PRKDC: variants seen among roughly 807,000 people sequenced by gnomAD.
PRKDC encodes the protein DNA-dependent protein kinase catalytic subunit.
Under a neutral mutation model 486.9 loss-of-function variants are expected in PRKDC, and 82 were observed. That is an observed-to-expected ratio of 0.17 (90% CI 0.14 to 0.20). The LOEUF (loss-of-function observed/expected upper bound fraction) is 0.20. Among genes scored for constraint, PRKDC ranks in the 10% least tolerant of loss-of-function variants. The probability of loss-of-function intolerance (pLI) is 1.00; values close to 1 mark genes in which losing one functional copy is unlikely to be tolerated. For missense variants in PRKDC, 4,504 were observed against 5,038.2 expected (o/e 0.89, Z 3.21); for synonymous variants, 1,895 against 1,837.0 (o/e 1.03, Z -0.81).
intron 21 of PRKDC, among the ~76,000 whole-genome samples, chr8:47,922,558 G>A (rs540555159): frequency 2.6e-5 from 4 of 151,338 alleles, no homozygotes; most frequent in South Asian, 2.1e-4. Context: ...CTCATCCCTC[G>A]GTCAATCAAA....
intron 21 of PRKDC, among the ~76,000 whole-genome samples, chr8:47,919,547 G>A (rs976338246): frequency 2.0e-5 from 3 of 152,180 alleles, no homozygotes; most frequent in Non-Finnish European, 4.4e-5. Context: ...CTGCGCCGCG[G>A]GAGGGCACCT....
At chr8:47,787,603 G>A (rs556068642) in intron 76 of PRKDC, among the ~76,000 whole-genome samples, 1 of 152,334 alleles carries the variant, frequency 6.6e-6, no homozygotes, top group African/African-American at 2.4e-5. Flanking sequence ...TGCCTGAAAG[G>A]AACAAGGGAG....
intron 36 of PRKDC, among the ~76,000 whole-genome samples, chr8:47,884,748 T>C (rs1253198681): frequency 6.6e-6 from 1 of 152,196 alleles, no homozygotes; most frequent in Non-Finnish European, 1.5e-5. Flanking sequence ...TACTCTCCCT[T>C]AAAATGGTCA....
rs751233778 is a variant in PRKDC, at chr8:47,889,002, C to T, written c.4280+12G>A. 31 of 1,610,994 alleles carry T rather than the reference C, an allele frequency of 1.9e-5. 1 individual carries two copies. The South Asian group carries it at 3.1e-4, about 16-fold the overall frequency. On this transcript the variant is annotated intron_variant, in intron 33 of 85. Coordinates refer to ENST00000314191, the MANE Select transcript of PRKDC (RefSeq NM_006904.7). ...AGGACAACATGTCCCCGATTGTGAC[C>T]CAAGTACCCACCTCTGTGCTGTTAT...
intron 40 of PRKDC, among the ~76,000 whole-genome samples, chr8:47,868,610 T>A (rs2088871129): frequency 6.6e-6 from 1 of 151,380 alleles, no homozygotes; most frequent in Admixed American, 6.6e-5. Flanking sequence ...ATGGAAGGAG[T>A]GGACCAAGAA....
intron 1 of PRKDC, among the ~76,000 whole-genome samples, chr8:47,958,572 G>C (rs1334700175): frequency 6.6e-6 from 1 of 152,196 alleles, no homozygotes; most frequent in Non-Finnish European, 1.5e-5. Flanking sequence ...AAACTTGGAA[G>C]TGCTTTAGAA....
In PRKDC at chr8:47,873,268, G is replaced by A. The variant is rs763999326; in HGVS notation, c.5363+4456C>T. Among the ~76,000 whole-genome samples, 73 of 149,974 alleles carry A rather than the reference G, an allele frequency of 4.9e-4. 1 individual carries two copies. The highest frequency in any genetic ancestry group is 8.9e-4 in the Non-Finnish European group (60 of 67,728). On this transcript the variant is annotated intron_variant, in intron 40 of 85. Transcript: ENST00000314191. ...AAAAAAAAAATAGGCCAAGCGAGTTGGCTCAAGCCTGTAATCCCAGCACTT... is the reference window on the plus strand; with the variant it reads ...AAAAAAAAAATAGGCCAAGCGAGTTAGCTCAAGCCTGTAATCCCAGCACTT...
intron 81 of PRKDC, 96 bp from the exon 82 acceptor site, chr8:47,778,895 C>T (rs8178246): frequency 3.2e-5 from 46 of 1,455,606 alleles, no homozygotes; most frequent in Admixed American, 1.1e-4. Flanking sequence ...ACTCAAATAT[C>T]GAATAATCTT....
chr8:47,778,430 C>T, intron 83 of PRKDC, 29 bp downstream of exon 83: 1 of 1,600,988 alleles, frequency 6.2e-7, no homozygotes, highest in Non-Finnish European at 8.5e-7. Context: ...CTCGCCTTGC[C>T]CAGGATCACG....
In PRKDC at chr8:47,778,764, C is replaced by A. The variant is rs183727221; in HGVS notation, c.11615G>T (p.Arg3872Ile). 27 of 1,613,730 alleles carry A rather than the reference C, an allele frequency of 1.7e-5. No individual in the cohort carries two copies. Among genetic ancestry groups the A allele is most frequent in the East Asian group, 1.1e-4 (5 of 44,882 alleles). ...AGCAGGCACTTTACTTTCTCGTTTT[C>A]TAAAAGACGTGACTGTTTCAGTACG... ...ANRTETVTSF[R>I]KRESKVPADL... Residue 3872 changes from arginine (R) to isoleucine (I), a missense_variant, in exon 82 of 86, where the codon AGA becomes ATA. This residue lies in a region of PRKDC where 706 missense variants were observed against 945.0 expected (regional missense o/e 0.75). Transcript: ENST00000314191.
chr8:47,943,757 T>C, intron 9 of PRKDC, 96 bp downstream of exon 9: 2 of 1,079,272 alleles, frequency 1.9e-6, no homozygotes, highest in Non-Finnish European at 2.7e-6. Flanking sequence ...ACAGATGTTA[T>C]CACATTTGCT....
rs181650388 is a variant in PRKDC at position 47,848,724 on chromosome 8, T to C, written c.7280+430A>G. ...AGAGTACAGGGACAGGGAAATAATATAATGTAAGTGATCAGCAGCTTTCTC... is the reference window on the plus strand; with the variant it reads ...AGAGTACAGGGACAGGGAAATAATACAATGTAAGTGATCAGCAGCTTTCTC... On this transcript the variant is annotated intron_variant, in intron 54 of 85. Coordinates refer to ENST00000314191, the MANE Select transcript of PRKDC (RefSeq NM_006904.7). 5.5e-3 allele frequency among the ~76,000 whole-genome samples: 830 copies of C among 151,738 alleles called. 31 individuals are homozygous for C. Among genetic ancestry groups the C allele is most frequent in the Non-Finnish European group, 1.4e-3 (98 of 67,950 alleles).
rs566564759 is a variant in PRKDC, at chr8:47,944,363, G to A, written c.722-334C>T. ...AATTTTCTTATTTGCAATAGGGACC[G>A]TATATACCTTTTAGGATAGTCTGGA... On this transcript the variant is annotated intron_variant, in intron 7 of 85. Coordinates refer to ENST00000314191, the MANE Select transcript of PRKDC (RefSeq NM_006904.7). Among the ~76,000 whole-genome samples, 108 of 151,602 alleles carry A rather than the reference G, an allele frequency of 7.1e-4. 1 individual carries two copies. The highest frequency in any genetic ancestry group is 2.5e-3 in the African/African-American group (103 of 41,292).
At chr8:47,899,825 T>G (rs184245908) in intron 28 of PRKDC, among the ~76,000 whole-genome samples, 1 of 152,216 alleles carries the variant, frequency 6.6e-6, no homozygotes, top group Non-Finnish European at 1.5e-5. Context: ...TAGTTCCTAA[T>G]AGCTTCTTGC....
At chr8:47,852,979 A>G (rs569103733) in intron 51 of PRKDC, among the ~76,000 whole-genome samples, 195 bp from the exon 52 acceptor site, 7 of 152,326 alleles carry the variant, frequency 4.6e-5, no homozygotes, top group African/African-American at 1.4e-4. Flanking sequence ...CATAACCAGA[A>G]AAGCATAGGG....
intron 7 of PRKDC, among the ~76,000 whole-genome samples, chr8:47,950,489 C>T (rs182621305): frequency 1.3e-5 from 2 of 151,440 alleles, no homozygotes; most frequent in East Asian, 2.0e-4. Context: ...ATTAGCTGGG[C>T]GTGGTGGCGG....
intron 85 of PRKDC, 147 bp downstream of exon 85, chr8:47,776,697 T>C (rs1422140333): frequency 7.0e-6 from 8 of 1,143,674 alleles, no homozygotes; most frequent in South Asian, 3.0e-5. Flanking sequence ...AGTCAGCCTC[T>C]CTAAGCCCTG....
intron 1 of PRKDC, among the ~76,000 whole-genome samples, chr8:47,959,682 A>C (rs1386687355): frequency 6.6e-6 from 1 of 152,086 alleles, no homozygotes; most frequent in Non-Finnish European, 1.5e-5. Flanking sequence ...CCGTCTCAAA[A>C]AAAAAAAAAA....
chr8:47,815,357 T>C (rs1034882029), intron 68 of PRKDC, among the ~76,000 whole-genome samples: 4 of 152,214 alleles, frequency 2.6e-5, no homozygotes, highest in African/African-American at 7.2e-5. Context: ...CAAATGCGGC[T>C]AGATAGATAT....
Sources: gnomAD v4.1 joint callset for allele counts (sites outside exome capture counted in the v4.1 genomes callset) on GRCh38, gnomAD v4.1.1 for gene constraint, gnomAD v4.1.1 regional missense constraint, MANE v1.5 for transcripts, NCBI Gene and HGNC (gene_info 2026-07-23, HGNC 2026-07-21) for gene names.